SIN3A: variants seen among roughly 807,000 people sequenced by gnomAD.
SIN3A encodes the protein paired amphipathic helix protein Sin3a.
A neutral mutation model predicts 146.1 loss-of-function variants in SIN3A; 14 were observed. That is an observed-to-expected ratio of 0.10 (90% CI 0.06 to 0.15). The LOEUF is 0.15. SIN3A is among the 10% of genes least tolerant of loss of function. SIN3A has a pLI of 1.00. For missense variants in SIN3A, 1,028 were observed against 1,576.0 expected (o/e 0.65, Z 5.89); for synonymous variants, 572 against 572.0 (o/e 1.00, Z 0.00).
intron 1 of SIN3A, among the ~76,000 whole-genome samples, chr15:75,431,948 A>G (rs935570796): frequency 1.3e-5 from 2 of 152,218 alleles, no homozygotes; most frequent in African/African-American, 2.4e-5. Flanking sequence ...TCAAGCCACA[A>G]ATATGCTCTC....
chr15:75,424,525 G>A (rs746659240), intron 2 of SIN3A, among the ~76,000 whole-genome samples: 4 of 152,116 alleles, frequency 2.6e-5, no homozygotes, highest in Non-Finnish European at 4.4e-5. Flanking sequence ...CCAGGCTGGA[G>A]TGCAGTGGTA....
chr15:75,407,960 G>C (rs1054430634), intron 8 of SIN3A, among the ~76,000 whole-genome samples: 5 of 129,152 alleles, frequency 3.9e-5, no homozygotes, highest in African/African-American at 1.4e-4. Flanking sequence ...ATTTAATATT[G>C]TTCTTCTAAA....
Position 75,430,367 on chromosome 15 carries a change from C to T in SIN3A, c.9G>A (p.Arg3=). The change falls in exon 2 of 21, where the codon CGG becomes CGA. Residue 3 remains arginine (R), a synonymous_variant. Coordinates refer to ENST00000394947, the MANE Select transcript of SIN3A (RefSeq NM_001145358.2). ...CCGGTGACTCCTGGTCATCCAAACG[C>T]CGCTTCATTCTGTGCTCATGCTCAG... The part of the protein sequence containing the change: MK[R]RLDDQESPVY... The T allele has an allele frequency of 6.2e-7, 1 of 1,609,818 alleles. No homozygotes were observed. The highest frequency in any genetic ancestry group is 8.5e-7 in the Non-Finnish European group (1 of 1,178,122).
rs574240579 is a variant in SIN3A, at chr15:75,402,732, T to C, written c.1408-762A>G. Among the ~76,000 whole-genome samples the C allele has an allele frequency of 1.8e-3, 268 of 152,206 alleles. 2 individuals are homozygous for C. Among genetic ancestry groups the C allele is most frequent in the Middle Eastern group, 0.01 (3 of 294 alleles). On this transcript the variant is annotated intron_variant, in intron 9 of 20. Coordinates refer to ENST00000394947, the MANE Select transcript of SIN3A (RefSeq NM_001145358.2). ...TCACTGCAACCTCTGCCTCCTGGGT[T>C]CAAGCAATTCTCCTGCCTCAGCCTC...
intron 16 of SIN3A, among the ~76,000 whole-genome samples, chr15:75,385,628 T>C (rs2073062532): frequency 6.6e-6 from 1 of 152,214 alleles, no homozygotes; most frequent in South Asian, 2.1e-4. Flanking sequence ...AATTTCAATA[T>C]TGATTTGTCT....
intron 19 of SIN3A, 169 bp from the exon 20 acceptor site, chr15:75,376,041 G>A: frequency 3.1e-6 from 2 of 647,868 alleles, no homozygotes; most frequent in Non-Finnish European, 5.3e-6. Context: ...CAACTGCAAA[G>A]GTACACAGAA....
At chr15:75,381,550 A>G in intron 18 of SIN3A, 63 bp downstream of exon 18, 1 of 1,287,458 alleles carries the variant, frequency 7.8e-7, no homozygotes, top group Non-Finnish European at 1.1e-6. Context: ...GGGTCACTGG[A>G]CAGACTCTCA....
In SIN3A at chr15:75,442,120, C is replaced by CAAAAA. The variant is rs57418865; in HGVS notation, c.-34+9298_-34+9302dup. On this transcript the variant is annotated intron_variant, in intron 1 of 20. Transcript: ENST00000394947. ...GGGTAACAAGAGTGAGACTCTGTCT[C>CAAAAA]AAAAAAAAAAAAAAAAAAAAAAAAA... Among the ~76,000 whole-genome samples, 82 of 29,282 alleles carry CAAAAA rather than the reference C, an allele frequency of 2.8e-3. 3 individuals carry two copies. The highest frequency in any genetic ancestry group is 3.5e-3 in the Non-Finnish European group (65 of 18,700). The allele number at this position is 29,282 out of a possible 152,430, so 19.2% of individuals were successfully genotyped here.
intron 3 of SIN3A, chr15:75,421,750 A>G (rs537946398): frequency 2.6e-5 from 4 of 152,326 alleles, no homozygotes; most frequent in Middle Eastern, 3.4e-3. Context: ...AATTTTATAT[A>G]AACGTAAAAT....
chr15:75,431,082 GCTT>G (rs2074006958), intron 1 of SIN3A, among the ~76,000 whole-genome samples: 1 of 152,160 alleles, frequency 6.6e-6, no homozygotes, highest in Admixed American at 6.6e-5. Context: ...GGCCTCAAGT[GCTT>G]CTTCTTAAAT....
chr15:75,402,068 G>C (rs2073422072), intron 9 of SIN3A, 98 bp from the exon 10 acceptor site: 2 of 751,238 alleles, frequency 2.7e-6, no homozygotes, highest in Admixed American at 4.1e-5. Context: ...GCGCAGTTGT[G>C]TAATCTCAGC....
chr15:75,438,414 C>T (rs1370626513), intron 1 of SIN3A, among the ~76,000 whole-genome samples: 2 of 151,828 alleles, frequency 1.3e-5, no homozygotes, highest in Non-Finnish European at 1.5e-5. Context: ...CTGGGTGTAG[C>T]AGCTCACATT....
intron 18 of SIN3A, 167 bp from the exon 19 acceptor site, chr15:75,380,890 C>T (rs1023631744): frequency 3.0e-5 from 17 of 561,116 alleles, no homozygotes; most frequent in South Asian, 8.0e-5. Context: ...TATTGGAACA[C>T]GGATTAAAAA....
At chr15:75,446,891 C>A (rs563821674) in intron 1 of SIN3A, among the ~76,000 whole-genome samples, 8 of 152,302 alleles carry the variant, frequency 5.3e-5, no homozygotes, top group Admixed American at 1.3e-4. Flanking sequence ...CCTGCCTCAA[C>A]CTCCCGAGTA....
At chr15:75,455,333 C>T (rs984503135), upstream of SIN3A, among the ~76,000 whole-genome samples, 1 of 152,172 alleles carries the variant, frequency 6.6e-6, no homozygotes, top group African/African-American at 2.4e-5. Flanking sequence ...CGAGCCCGCA[C>T]GCCGCAGCTC....
Position 75,372,336 on chromosome 15 carries a change from GT to G in SIN3A, c.3592-128del, listed in dbSNP as rs906989480. ...GTGGGCTCAAGTCTTAGATACCACT[GT>G]TTTTTTCTTAAAAGAAAAAAAAAAG... On this transcript the variant is annotated intron_variant, in intron 20 of 20. Transcript: ENST00000394947. 2.0e-5 allele frequency: 10 copies of G among 498,230 alleles called. No homozygotes were observed. The East Asian group carries it at 2.3e-4, about 11-fold the overall frequency. 30.9% of individuals were successfully genotyped at this position (498,230 alleles called of 1,614,324 possible).
intron 5 of SIN3A, among the ~76,000 whole-genome samples, chr15:75,412,048 A>C (rs2073649732): frequency 6.6e-6 from 1 of 152,254 alleles, no homozygotes; most frequent in Admixed American, 6.5e-5. Flanking sequence ...AAGTACACAT[A>C]GAAAAAATCT....
chr15:75,411,840 C>T lies in SIN3A; in HGVS notation c.757-97G>A. 6 of 1,313,318 alleles carry T rather than the reference C, an allele frequency of 4.6e-6. No homozygotes were observed. The South Asian group carries it at 4.7e-5, about 10-fold the overall frequency. 81.4% of individuals were successfully genotyped at this position (1,313,318 alleles called of 1,614,324 possible). A position where few individuals can be genotyped will look rare whatever the true frequency, so the allele number is the denominator to read the frequency against. On this transcript the variant is annotated intron_variant, in intron 5 of 20. Transcript: ENST00000394947. ...GAGAAACAAGGTGTCAACGTATATCCTTTATTTACTCACTCAGGCCAGGTC... is the reference window on the plus strand; with the variant it reads ...GAGAAACAAGGTGTCAACGTATATCTTTTATTTACTCACTCAGGCCAGGTC...
chr15:75,437,041 G>A (rs1291961264), intron 1 of SIN3A, among the ~76,000 whole-genome samples: 2 of 152,146 alleles, frequency 1.3e-5, no homozygotes, highest in Non-Finnish European at 2.9e-5. Flanking sequence ...GACATGCCTG[G>A]CCCTGTGCGG....
Sources: allele counts gnomAD v4.1 joint callset (sites outside exome capture counted in the v4.1 genomes callset), GRCh38; gene constraint gnomAD v4.1.1; transcripts MANE v1.5; gene names NCBI Gene and HGNC (gene_info 2026-07-23, HGNC 2026-07-21).